Variants in DKK3 observed in about 807,000 individuals in gnomAD.
DKK3 encodes dickkopf Wnt signaling pathway inhibitor 3, also known as dickkopf-related protein 3.
In DKK3, 22 loss-of-function variants were observed where a neutral mutation model predicts 33.2. The ratio of observed to expected loss-of-function variants is 0.66; its 90% CI spans 0.47 to 0.95. The LOEUF is 0.95. DKK3 is among the 40% of genes least tolerant of loss of function. The pLI, the probability that DKK3 is intolerant of heterozygous loss-of-function variation, is 0.00. For synonymous variants in DKK3, 194 were observed against 188.8 expected, an observed-to-expected ratio of 1.03 and a Z score of -0.23; for missense variants, 398 against 458.4, an observed-to-expected ratio of 0.87 and a Z score of 1.20.
Position 11,993,902 on chromosome 11 carries a change from A to G in DKK3, c.435+4794T>C, listed in dbSNP as rs574559913. ...ACTTGGAACTTATCAGTACCCAACCATCGCCTAGTCCCCTGGTCGTTCATT... is the reference window on the plus strand; with the variant it reads ...ACTTGGAACTTATCAGTACCCAACCGTCGCCTAGTCCCCTGGTCGTTCATT... On this transcript the variant is annotated intron_variant, in intron 3 of 6. Transcript: ENST00000683431. Among the ~76,000 whole-genome samples the G allele has an allele frequency of 6.6e-4, 100 of 152,206 alleles. 1 individual carries two copies. The highest frequency in any genetic ancestry group is 2.4e-3 in the African/African-American group (98 of 41,542).
chr11:11,969,516 C>T (rs1847678728), intron 3 of DKK3, among the ~76,000 whole-genome samples: 2 of 152,134 alleles, frequency 1.3e-5, no homozygotes, highest in Admixed American at 6.5e-5. Context: ...GGTCTCTTTC[C>T]ACCACCAGCC....
rs528641526 is a variant in DKK3, at chr11:11,983,836, T to C, written c.435+14860A>G. ...AGACCAACCCCCGACCCAATGCCTA[T>C]ACAACAATGCTGGTAATCAGAATCT... is the stretch of plus-strand genomic sequence containing the variant. On this transcript the variant is annotated intron_variant, in intron 3 of 6. Transcript: ENST00000683431. Among the ~76,000 whole-genome samples the C allele has an allele frequency of 2.0e-5, 3 of 152,362 alleles. No homozygotes were observed. The East Asian group carries it at 5.8e-4, about 29-fold the overall frequency.
intron 3 of DKK3, among the ~76,000 whole-genome samples, chr11:11,990,110 C>A (rs1848157819): frequency 6.6e-6 from 1 of 152,180 alleles, no homozygotes; most frequent in Non-Finnish European, 1.5e-5. Context: ...ATTTGGCAGC[C>A]AGGATACAAA....
intron 3 of DKK3, among the ~76,000 whole-genome samples, chr11:11,987,972 A>G (rs924534530): frequency 2.0e-5 from 3 of 152,210 alleles, no homozygotes; most frequent in African/African-American, 7.2e-5. Context: ...TTCAGCATCT[A>G]TTAAACACCA....
chr11:12,006,245 T>C (rs1848533639), intron 1 of DKK3, among the ~76,000 whole-genome samples: 2 of 152,232 alleles, frequency 1.3e-5, no homozygotes, highest in Admixed American at 6.5e-5. Context: ...CATGTCATGA[T>C]AGTTTCACAA....
intron 3 of DKK3, among the ~76,000 whole-genome samples, chr11:11,979,488 T>C (rs1455761414): frequency 6.6e-6 from 1 of 152,184 alleles, no homozygotes; most frequent in African/African-American, 2.4e-5. Flanking sequence ...TCCCAGGAGA[T>C]GAGTGCCAGA....
At chr11:12,003,287 C>T (rs987584252) in intron 1 of DKK3, among the ~76,000 whole-genome samples, 1 of 152,122 alleles carries the variant, frequency 6.6e-6, no homozygotes, top group East Asian at 1.9e-4. Flanking sequence ...AGCTGTGTCT[C>T]CTTCCCCACC....
intron 1 of DKK3, 21 bp from the exon 2 acceptor site, chr11:12,002,458 A>C: frequency 6.2e-7 from 1 of 1,601,998 alleles, no homozygotes; most frequent in East Asian, 2.2e-5. Context: ...GATGAATTTA[A>C]TGAGCAAAAT....
chr11:12,009,119 A>T, upstream of DKK3: 1 of 983,774 alleles, frequency 1.0e-6, no homozygotes, highest in Non-Finnish European at 1.2e-6. Flanking sequence ...ATCCACCAAG[A>T]GAGGCTGAGC....
intron 3 of DKK3, among the ~76,000 whole-genome samples, chr11:11,982,572 C>T (rs536531363): frequency 3.2e-4 from 48 of 152,290 alleles, no homozygotes; most frequent in Non-Finnish European, 5.6e-4. Flanking sequence ...CCAGAATTGG[C>T]GGACCTCTCA....
intron 3 of DKK3, among the ~76,000 whole-genome samples, chr11:11,992,256 G>A (rs1848202848): frequency 6.6e-6 from 1 of 152,082 alleles, no homozygotes; most frequent in South Asian, 2.1e-4. Flanking sequence ...CTATATGGAA[G>A]GTACTGTTAT....
intron 3 of DKK3, among the ~76,000 whole-genome samples, chr11:11,997,013 C>T (rs1848309748): frequency 6.6e-6 from 1 of 152,234 alleles, no homozygotes; most frequent in Non-Finnish European, 1.5e-5. Context: ...AAGATCTTGT[C>T]TCTTCCCCAT....
rs531405146 is a variant in DKK3 at position 11,996,142 on chromosome 11, C to T, written c.435+2554G>A. Among the ~76,000 whole-genome samples, 7 of 152,276 alleles carry T rather than the reference C, an allele frequency of 4.6e-5. No individual in the cohort carries two copies. In the South Asian group the frequency reaches 1.5e-3, roughly 32 times the overall value. On this transcript the variant is annotated intron_variant, in intron 3 of 6. Transcript: ENST00000683431. ...TACACAGCATATGATTTGTCCTTTG[C>T]CATGGCAAATCTCCCTCTTCCCTCT...
intron 3 of DKK3, among the ~76,000 whole-genome samples, chr11:11,992,979 G>A (rs1814670563): frequency 6.6e-6 from 1 of 152,196 alleles, no homozygotes; most frequent in African/African-American, 2.4e-5. Context: ...ACCCACTGTA[G>A]GTGAGGGCTG....
chr11:12,003,018 G>GTAGAATTGCTT (rs1590557318), intron 1 of DKK3, among the ~76,000 whole-genome samples: 1 of 152,228 alleles, frequency 6.6e-6, no homozygotes, highest in African/African-American at 2.4e-5. Context: ...TCTAAAGCAT[G>GTAGAATTGCTT]TAGAATCTAC....
intron 2 of DKK3, among the ~76,000 whole-genome samples, chr11:11,999,806 T>C (rs1848385435): frequency 6.6e-6 from 1 of 152,226 alleles, no homozygotes; most frequent in Non-Finnish European, 1.5e-5. Flanking sequence ...ACATCATCTT[T>C]AAGGTCTCTG....
intron 3 of DKK3, among the ~76,000 whole-genome samples, chr11:11,981,242 C>T (rs1054630384): frequency 6.6e-6 from 1 of 152,156 alleles, no homozygotes; most frequent in Non-Finnish European, 1.5e-5. Flanking sequence ...ACCAAGCCAC[C>T]ATATTGTGAG....
chr11:12,002,501 G>GA lies in DKK3; in HGVS notation c.214-65dup, dbSNP rs3834918. On this transcript the variant is annotated intron_variant, in intron 1 of 6. Transcript: ENST00000683431. ...TCTTGTTACAAATGGGAGTCTATTAGAAAAAAAAAATCTCTTTTCCTCTTC... is the reference window on the plus strand; with the variant it reads ...TCTTGTTACAAATGGGAGTCTATTAGAAAAAAAAAAATCTCTTTTCCTCTTC... 3,371 of 1,479,296 alleles carry GA rather than the reference G, an allele frequency of 2.3e-3. 12 individuals carry two copies. In the East Asian group the frequency reaches 0.027, roughly 12 times the overall value. 91.6% of individuals were successfully genotyped at this position (1,479,296 alleles called of 1,614,324 possible). A position where few individuals can be genotyped will look rare whatever the true frequency, so the allele number is the denominator to read the frequency against.
chr11:11,981,409 A>G (rs1291607878), intron 3 of DKK3, among the ~76,000 whole-genome samples: 1 of 152,186 alleles, frequency 6.6e-6, no homozygotes, highest in Non-Finnish European at 1.5e-5. Context: ...GCAGAGACAA[A>G]CCATCCCCAT....
Sources: gnomAD v4.1 joint callset for allele counts (sites outside exome capture counted in the v4.1 genomes callset) on GRCh38, gnomAD v4.1.1 for gene constraint, MANE v1.5 for transcripts, NCBI Gene and HGNC (gene_info 2026-07-23, HGNC 2026-07-21) for gene names.